Variants in FLYWCH2 observed in about 807,000 individuals in gnomAD.
The protein encoded by FLYWCH2 is FLYWCH family member 2.
Under a neutral mutation model 6.0 loss-of-function variants are expected in FLYWCH2, and 2 were observed. That is an observed-to-expected ratio of 0.33 (90% CI 0.14 to 1.04). The LOEUF (loss-of-function observed/expected upper bound fraction) is 1.04. Ranked by LOEUF, FLYWCH2 falls within the 50% of genes least tolerant of loss-of-function variation. FLYWCH2 has a pLI of 0.45. For synonymous variants in FLYWCH2, 87 were observed against 79.3 expected (o/e 1.10, Z -0.52); for missense variants, 192 against 183.4 (o/e 1.05, Z -0.27).
rs1180850622 is a variant in FLYWCH2, at chr16:2,896,768, C to T, written c.319C>T (p.Pro107Ser). 1 of 1,608,954 alleles carries T rather than the reference C, an allele frequency of 6.2e-7. No homozygotes were observed. The highest frequency in any genetic ancestry group is 1.1e-5 in the South Asian group (1 of 91,028). Residue 107 changes from proline to serine, a missense_variant, in exon 3 of 4, where the codon CCA (proline) becomes TCA (serine). By Grantham distance (74) the Pro-to-Ser change is moderately conservative (BLOSUM62 -1). Coordinates refer to ENST00000396958, the MANE Select transcript of FLYWCH2 (RefSeq NM_138439.3). Reference protein sequence around the residue: ...EPEQKRSRQDPGTDRTEDSGL... With the variant: ...EPEQKRSRQDSGTDRTEDSGL... Reference sequence around the variant, plus strand: ...TGAGCAGAAACGGAGCAGGCAGGACCCAGGTGAGGCTCCACAGCGGCCCCC... The same window carrying T: ...TGAGCAGAAACGGAGCAGGCAGGACTCAGGTGAGGCTCCACAGCGGCCCCC...
chr16:2,887,405 C>T (rs1183811794), intron 1 of FLYWCH2, among the ~76,000 whole-genome samples: 2 of 150,206 alleles, frequency 1.3e-5, no homozygotes, highest in East Asian at 2.0e-4. Context: ...AAGAGATCTG[C>T]CCACCTCAGC....
At chr16:2,889,073 A>G (rs1284729678) in intron 1 of FLYWCH2, among the ~76,000 whole-genome samples, 1 of 151,832 alleles carries the variant, frequency 6.6e-6, no homozygotes, top group Non-Finnish European at 1.5e-5. Context: ...GATTCATAAA[A>G]CACAGTTCCT....
chr16:2,894,061 T>C (rs2069789970), intron 1 of FLYWCH2, among the ~76,000 whole-genome samples: 2 of 152,022 alleles, frequency 1.3e-5, no homozygotes, highest in Admixed American at 1.3e-4. Context: ...GTTTTGTCAT[T>C]GAAAGCAATG....
chr16:2,888,525 A>G (rs1435725072), intron 1 of FLYWCH2, among the ~76,000 whole-genome samples: 2 of 149,114 alleles, frequency 1.3e-5, no homozygotes, highest in African/African-American at 2.5e-5. Context: ...TTAAGAATCT[A>G]TAGATCAATG....
chr16:2,884,892 A>C lies in FLYWCH2; in HGVS notation c.-200+1526A>C, dbSNP rs546799179. Among the ~76,000 whole-genome samples, 26 of 151,948 alleles carry C rather than the reference A, an allele frequency of 1.7e-4. 1 individual carries two copies. Among genetic ancestry groups the C allele is most frequent in the East Asian group, 3.9e-4 (2 of 5,156 alleles). Reference sequence around the variant, plus strand: ...TCCGTCTAAAAAACAAAAACAAAAAAAAAACTCCGGGTGATTCTTAGGGAT... The same window carrying C: ...TCCGTCTAAAAAACAAAAACAAAAACAAAACTCCGGGTGATTCTTAGGGAT... On this transcript the variant is annotated intron_variant, in intron 1 of 3. Transcript: ENST00000396958.
At chr16:2,891,290 G>T (rs191531822) in intron 1 of FLYWCH2, among the ~76,000 whole-genome samples, 1 of 152,182 alleles carries the variant, frequency 6.6e-6, no homozygotes, top group Non-Finnish European at 1.5e-5. Flanking sequence ...TTTTTTTCCT[G>T]ACTCAGGTCC....
intron 1 of FLYWCH2, among the ~76,000 whole-genome samples, chr16:2,884,558 T>TAAAAAAAAAAAAAACAAAAAAAAAAA (rs2069674920): frequency 2.5e-5 from 1 of 39,286 alleles, no homozygotes; most frequent in Non-Finnish European, 4.8e-5. Flanking sequence ...CCGTCTCTAC[T>TAAAAAAAAAAAAAACAAAAAAAAAAA]AAAAAAAAAA....
rs538580880 is a variant in FLYWCH2 at position 2,893,234 on chromosome 16, C to G, written c.-199-1986C>G. Among the ~76,000 whole-genome samples, 11 of 152,276 alleles carry G rather than the reference C, an allele frequency of 7.2e-5. No homozygotes were observed. In the East Asian group the frequency reaches 2.1e-3, roughly 29 times the overall value. ...TGGTGATCAACTTAACCTTCAGGCC[C>G]TCTCCCTTTCCTGGAGTTTGGAGGA... On this transcript the variant is annotated intron_variant, in intron 1 of 3. Coordinates refer to ENST00000396958, the MANE Select transcript of FLYWCH2 (RefSeq NM_138439.3).
intron 3 of FLYWCH2, chr16:2,898,806 A>G (rs1596340611): frequency 4.9e-6 from 2 of 409,064 alleles, no homozygotes; most frequent in Non-Finnish European, 8.7e-6. Flanking sequence ...GCGGCTTCCC[A>G]GTGCTCAGCA....
intron 2 of FLYWCH2, among the ~76,000 whole-genome samples, chr16:2,895,981 T>C (rs1373039373): frequency 6.6e-6 from 1 of 152,146 alleles, no homozygotes; most frequent in Non-Finnish European, 1.5e-5. Context: ...CAGCCTGCTG[T>C]CATAACAGGG....
At chr16:2,897,294 G>T (rs1214929685) in intron 3 of FLYWCH2, among the ~76,000 whole-genome samples, 1 of 152,148 alleles carries the variant, frequency 6.6e-6, no homozygotes, top group Non-Finnish European at 1.5e-5. Context: ...CCTCAGCCTG[G>T]CTCTCCGGGA....
At chr16:2,894,471 G>C (rs570397646) in intron 1 of FLYWCH2, among the ~76,000 whole-genome samples, 1 of 152,302 alleles carries the variant, frequency 6.6e-6, no homozygotes, top group African/African-American at 2.4e-5. Flanking sequence ...GTGAAGCAGG[G>C]CGCTATGTGG....
chr16:2,889,411 C>T (rs1166527479), intron 1 of FLYWCH2, among the ~76,000 whole-genome samples: 2 of 151,728 alleles, frequency 1.3e-5, no homozygotes, highest in South Asian at 2.1e-4. Context: ...GGCATTTCAC[C>T]GTGTTAGCCA....
chr16:2,887,223 G>A (rs1049902736), intron 1 of FLYWCH2, among the ~76,000 whole-genome samples: 3 of 151,776 alleles, frequency 2.0e-5, no homozygotes, highest in Admixed American at 6.6e-5. Context: ...TCGGCTCACT[G>A]CAACCTCCGC....
Position 2,898,994 on chromosome 16 carries a change from G to A in FLYWCH2, c.323-55G>A, listed in dbSNP as rs548440333. On this transcript the variant is annotated intron_variant, in intron 3 of 3. Transcript: ENST00000396958. Reference sequence around the variant, plus strand: ...GGCCTGGTAGACCCCCAACAGCCAAGCTGAGCCCTCCCATCTCCATTGACA... The same window carrying A: ...GGCCTGGTAGACCCCCAACAGCCAAACTGAGCCCTCCCATCTCCATTGACA... The A allele has an allele frequency of 4.1e-6, 6 of 1,459,418 alleles. No individual in the cohort carries two copies. The South Asian group carries it at 7.4e-5, about 18-fold the overall frequency. 90.4% of individuals were successfully genotyped at this position (1,459,418 alleles called of 1,614,324 possible). A position where few individuals can be genotyped will look rare whatever the true frequency, so the allele number is the denominator to read the frequency against.
chr16:2,883,752 G>T (rs2069666777), intron 1 of FLYWCH2, among the ~76,000 whole-genome samples: 1 of 152,264 alleles, frequency 6.6e-6, no homozygotes, highest in Admixed American at 6.5e-5. Flanking sequence ...TACTGGGGCG[G>T]GGGAGACACT....
At chr16:2,884,889 A>C (rs1567301873) in intron 1 of FLYWCH2, among the ~76,000 whole-genome samples, 1 of 151,620 alleles carries the variant, frequency 6.6e-6, no homozygotes, top group Non-Finnish European at 1.5e-5. Flanking sequence ...ACAAAAACAA[A>C]AAAAAAACTC....
intron 2 of FLYWCH2, among the ~76,000 whole-genome samples, 173 bp from the exon 3 acceptor site, chr16:2,896,179 A>G (rs2069817286): frequency 6.6e-6 from 1 of 152,156 alleles, no homozygotes; most frequent in Non-Finnish European, 1.5e-5. Flanking sequence ...GACGTTCCCA[A>G]GGCTGCCAGG....
intron 2 of FLYWCH2, among the ~76,000 whole-genome samples, chr16:2,895,630 A>G (rs1232802229): frequency 1.3e-5 from 2 of 152,182 alleles, no homozygotes; most frequent in African/African-American, 4.8e-5. Flanking sequence ...CAAACAAACA[A>G]AAAGAACCAA....
Sources: gnomAD v4.1 joint callset for allele counts (sites outside exome capture counted in the v4.1 genomes callset) on GRCh38, gnomAD v4.1.1 for gene constraint, MANE v1.5 for transcripts, NCBI Gene and HGNC (gene_info 2026-07-23, HGNC 2026-07-21) for gene names.